The following NEO1 variants were observed in gnomAD, a reference collection of about 807,000 sequenced individuals.
NEO1 encodes neogenin 1.
In NEO1, 63 loss-of-function variants were observed where a neutral mutation model predicts 159.7. The observed-to-expected ratio is 0.39, with a 90% CI of 0.32 to 0.49. NEO1 has a LOEUF of 0.49. NEO1 is among the 20% of genes least tolerant of loss of function. The pLI is 0.85. For missense variants in NEO1, 1,615 were observed against 1,831.0 expected, an observed-to-expected ratio of 0.88 and a Z score of 2.15; for synonymous variants, 633 against 662.0, an observed-to-expected ratio of 0.96 and a Z score of 0.67.
At chr15:73,226,909 A>C (rs1429782616) in intron 7 of NEO1, among the ~76,000 whole-genome samples, 1 of 152,222 alleles carries the variant, frequency 6.6e-6, no homozygotes, top group Non-Finnish European at 1.5e-5. Context: ...AAGAAAATGT[A>C]AATGTACCTA....
chr15:73,280,790 A>G (rs2041657702), intron 22 of NEO1, among the ~76,000 whole-genome samples: 2 of 152,200 alleles, frequency 1.3e-5, no homozygotes, highest in African/African-American at 2.4e-5. Context: ...TCCCTTCTAA[A>G]TCAGCCCCAG....
At chr15:73,204,665 G>T (rs2037111222) in intron 7 of NEO1, among the ~76,000 whole-genome samples, 1 of 151,934 alleles carries the variant, frequency 6.6e-6, no homozygotes, top group Admixed American at 6.6e-5. Context: ...CTTCTTGCAT[G>T]TTCCCTACTT....
chr15:73,250,370 T>C (rs1272197870), intron 11 of NEO1, among the ~76,000 whole-genome samples: 1 of 152,152 alleles, frequency 6.6e-6, no homozygotes, highest in Non-Finnish European at 1.5e-5. Context: ...CTCAGCTAAA[T>C]CTTATGTTTT....
chr15:73,143,246 G>A, intron 5 of NEO1: 1 of 162,494 alleles, frequency 6.2e-6, no homozygotes, highest in Non-Finnish European at 1.4e-5. Flanking sequence ...CCCAGTCTTA[G>A]AAGCTCCATG....
In NEO1 at chr15:73,304,120, C is replaced by G. The variant is rs186338399; in HGVS notation, c.*1424C>G. ...CAGCGGAAACAGCTGCCCACCCCCC[C>G]CATCCCAGCAGCTCAGCTAAGCCCT... On this transcript the variant is annotated 3_prime_UTR_variant, in exon 29 of 29. Coordinates refer to ENST00000261908, the MANE Select transcript of NEO1 (RefSeq NM_002499.4). The G allele has an allele frequency of 2.8e-4, 42 of 152,314 alleles. No homozygotes were observed. Among genetic ancestry groups the G allele is most frequent in the African/African-American group, 8.4e-4 (35 of 41,558 alleles). The allele number at this position is 152,314 out of a possible 1,614,324, so 9.4% of individuals were successfully genotyped here.
chr15:73,130,670 T>C (rs2030990983), intron 4 of NEO1, among the ~76,000 whole-genome samples: 1 of 152,136 alleles, frequency 6.6e-6, no homozygotes, highest in South Asian at 2.1e-4. Context: ...GCCAAGACTT[T>C]TATCCTAGCC....
rs150757380 is a variant in NEO1, at chr15:73,145,339, G to A, written c.1015+9312G>A. ...GGATTCTCATACACTGCTGGTAGTG[G>A]TACAAATTGATGTAACCTTGGAGGG... On this transcript the variant is annotated intron_variant, in intron 5 of 28. Coordinates refer to ENST00000261908, the MANE Select transcript of NEO1 (RefSeq NM_002499.4). 9.2e-5 allele frequency among the ~76,000 whole-genome samples: 14 copies of A among 152,252 alleles called. No individual in the cohort carries two copies. In the East Asian group the frequency reaches 2.7e-3, roughly 29 times the overall value.
intron 4 of NEO1, among the ~76,000 whole-genome samples, chr15:73,134,107 G>T (rs2031466412): frequency 6.6e-6 from 1 of 152,034 alleles, no homozygotes; most frequent in Non-Finnish European, 1.5e-5. Context: ...TTTTATCCAG[G>T]TATAAAATGT....
Position 73,169,715 on chromosome 15 carries a change from G to C in NEO1, c.1016-6688G>C, listed in dbSNP as rs553609149. ...AGAGTAATTATTTACTCTGCCTTAGGGGGAGCCTCAGTTCTTGCAGTTCTT... is the reference window on the plus strand; with the variant it reads ...AGAGTAATTATTTACTCTGCCTTAGCGGGAGCCTCAGTTCTTGCAGTTCTT... On this transcript the variant is annotated intron_variant, in intron 5 of 28. Coordinates refer to ENST00000261908, the MANE Select transcript of NEO1 (RefSeq NM_002499.4). Among the ~76,000 whole-genome samples, 3 of 143,540 alleles carry C rather than the reference G, an allele frequency of 2.1e-5. 1 individual carries two copies. Among genetic ancestry groups the C allele is most frequent in the Admixed American group, 7.3e-5 (1 of 13,618 alleles). 94.2% of individuals were successfully genotyped at this position (143,540 alleles called of 152,430 possible).
intron 5 of NEO1, chr15:73,161,836 A>C (rs910299758): frequency 7.7e-6 from 2 of 260,566 alleles, no homozygotes; most frequent in Admixed American, 4.4e-5. Context: ...TCCAGAAGCA[A>C]TTCTTTATAT....
rs771180099 is a variant in NEO1 at position 73,249,089 on chromosome 15, C to T, written c.1636C>T (p.Arg546Cys). ...VQLPGPAPNL[R>C]AYAASPTSIT... The stretch of plus-strand genomic sequence containing the variant: ...GCTCCCTGGCCCAGCACCTAACCTT[C>T]GTGCATATGCAGCTTCGCCTACCTC... Residue 546 changes from arginine to cysteine, a missense_variant, in exon 10 of 29, where the codon CGT (arginine) becomes TGT (cysteine). Physicochemically the swap from Arg to Cys is radical, Grantham distance 180. Transcript: ENST00000261908. The T allele has an allele frequency of 6.8e-6, 11 of 1,613,926 alleles. No homozygotes were observed. The highest frequency in any genetic ancestry group is 5.3e-5 in the African/African-American group (4 of 74,900).
chr15:73,236,000 T>C (rs1251275554), intron 7 of NEO1, among the ~76,000 whole-genome samples: 1 of 152,244 alleles, frequency 6.6e-6, no homozygotes, highest in Non-Finnish European at 1.5e-5. Context: ...TGAGAAGTTT[T>C]ATTCTCAGCT....
chr15:73,086,097 C>G (rs556343938), intron 1 of NEO1, among the ~76,000 whole-genome samples: 53 of 152,270 alleles, frequency 3.5e-4, no homozygotes, highest in Admixed American at 1.0e-3. Flanking sequence ...GATTTATGAT[C>G]CATATTGAGT....
chr15:73,233,840 A>C (rs1371587823), intron 7 of NEO1, among the ~76,000 whole-genome samples: 1 of 152,198 alleles, frequency 6.6e-6, no homozygotes, highest in African/African-American at 2.4e-5. Context: ...ACATGTACGC[A>C]GAGCTTCCAC....
chr15:73,083,713 T>C (rs2069195901), intron 1 of NEO1, among the ~76,000 whole-genome samples: 1 of 152,194 alleles, frequency 6.6e-6, no homozygotes, highest in African/African-American at 2.4e-5. Context: ...GTACATGTTA[T>C]TTTCTTCGTT....
chr15:73,135,043 G>A (rs1349922877), intron 4 of NEO1, among the ~76,000 whole-genome samples: 1 of 152,074 alleles, frequency 6.6e-6, no homozygotes. Context: ...TTTTAAAGTG[G>A]CAGCTTTAAT....
chr15:73,263,943 T>C (rs1429846995), intron 15 of NEO1, among the ~76,000 whole-genome samples: 1 of 152,152 alleles, frequency 6.6e-6, no homozygotes, highest in Non-Finnish European at 1.5e-5. Context: ...CCCAGCACTT[T>C]GGGAGGCTAA....
At chr15:73,154,589 G>T (rs181384749) in intron 5 of NEO1, among the ~76,000 whole-genome samples, 1 of 152,178 alleles carries the variant, frequency 6.6e-6, no homozygotes, top group African/African-American at 2.4e-5. Flanking sequence ...GAGAACATCT[G>T]AAGCATGTCT....
At chr15:73,139,527 A>T (rs1372456602) in intron 5 of NEO1, among the ~76,000 whole-genome samples, 1 of 152,226 alleles carries the variant, frequency 6.6e-6, no homozygotes, top group African/African-American at 2.4e-5. Context: ...GGTTCTTTGT[A>T]ATGCATAACA....
Sources: gnomAD v4.1 joint callset for allele counts (sites outside exome capture counted in the v4.1 genomes callset) on GRCh38, gnomAD v4.1.1 for gene constraint, MANE v1.5 for transcripts, NCBI Gene and HGNC (gene_info 2026-07-23, HGNC 2026-07-21) for gene names.